The following SH2D4B variants were observed in gnomAD, a reference collection of about 807,000 sequenced individuals.
The protein encoded by SH2D4B is SH2 domain-containing protein 4B.
SH2D4B carries 45 observed loss-of-function variants against 61.5 expected under a neutral mutation model. The observed-to-expected ratio is 0.73, with a 90% CI of 0.58 to 0.94. The LOEUF is 0.94. SH2D4B is among the 40% of genes least tolerant of loss of function. SH2D4B has a pLI of 0.00. For synonymous variants in SH2D4B, 224 were observed against 220.4 expected (o/e 1.02, Z -0.14); for missense variants, 572 against 574.2 (o/e 1.00, Z 0.04).
intron 4 of SH2D4B, among the ~76,000 whole-genome samples, chr10:80,602,628 AG>A: frequency 6.6e-6 from 1 of 152,136 alleles, no homozygotes; most frequent in Non-Finnish European, 1.5e-5. Flanking sequence ...TGGGAAACCA[AG>A]AAAGGGTTCC....
intron 1 of SH2D4B, among the ~76,000 whole-genome samples, chr10:80,543,881 A>G (rs977021590): frequency 1.3e-5 from 2 of 151,910 alleles, no homozygotes; most frequent in Non-Finnish European, 2.9e-5. Flanking sequence ...GACACTCTGT[A>G]TCTAGCTGAT....
chr10:80,630,770 C>T (rs542958823), intron 6 of SH2D4B, among the ~76,000 whole-genome samples: 1 of 152,270 alleles, frequency 6.6e-6, no homozygotes, highest in Admixed American at 6.5e-5. Flanking sequence ...GAGTCAGGGT[C>T]AGCTGGAGTG....
chr10:80,559,728 C>A (rs1841879512), intron 1 of SH2D4B, among the ~76,000 whole-genome samples: 1 of 150,506 alleles, frequency 6.6e-6, no homozygotes, highest in Non-Finnish European at 1.5e-5. Context: ...GCCTTGACCT[C>A]CTGGGCTCAA....
intron 6 of SH2D4B, among the ~76,000 whole-genome samples, chr10:80,634,007 AC>A (rs1289493928): frequency 6.6e-6 from 1 of 152,178 alleles, no homozygotes; most frequent in East Asian, 1.9e-4. Flanking sequence ...AATCCAAATC[AC>A]CCTGGCTCAA....
At chr10:80,597,704 C>T (rs537622831) in intron 4 of SH2D4B, among the ~76,000 whole-genome samples, 63 of 149,448 alleles carry the variant, frequency 4.2e-4, no homozygotes, top group Non-Finnish European at 7.2e-4. Flanking sequence ...ATAAAATACA[C>T]GGGGAGAGAG....
intron 3 of SH2D4B, among the ~76,000 whole-genome samples, chr10:80,581,738 G>A (rs1428649661): frequency 5.9e-5 from 9 of 152,106 alleles, no homozygotes; most frequent in African/African-American, 7.2e-5. Flanking sequence ...TCGTTATGGC[G>A]GCCTGAGCAA....
At chr10:80,573,697 CT>C (rs1266521464) in intron 3 of SH2D4B, among the ~76,000 whole-genome samples, 1 of 152,138 alleles carries the variant, frequency 6.6e-6, no homozygotes, top group African/African-American at 2.4e-5. Context: ...CTGAGCCAGA[CT>C]TAATTGTTTA....
intron 4 of SH2D4B, among the ~76,000 whole-genome samples, chr10:80,589,192 C>T (rs1380874882): frequency 3.3e-5 from 5 of 151,848 alleles, no homozygotes; most frequent in Non-Finnish European, 7.4e-5. Context: ...TTAGTAGAGA[C>T]GGGGTTTCAC....
chr10:80,633,101 T>C (rs1191900591), intron 6 of SH2D4B, among the ~76,000 whole-genome samples: 1 of 151,760 alleles, frequency 6.6e-6, no homozygotes, highest in East Asian at 2.0e-4. Flanking sequence ...AGGAGAGTGA[T>C]GGGAGGGGAG....
chr10:80,575,753 A>T (rs1421154721), intron 3 of SH2D4B, among the ~76,000 whole-genome samples: 1 of 152,114 alleles, frequency 6.6e-6, no homozygotes, highest in Non-Finnish European at 1.5e-5. Context: ...CCAGCCTAGG[A>T]TCCTTAGTTT....
intron 4 of SH2D4B, among the ~76,000 whole-genome samples, chr10:80,598,008 C>A (rs7917014): frequency 6.6e-6 from 1 of 152,016 alleles, no homozygotes; most frequent in Admixed American, 6.6e-5. Flanking sequence ...GGAGGCAGAG[C>A]AAAGGTTTAT....
chr10:80,640,196 C>A (rs1179919585), intron 7 of SH2D4B, among the ~76,000 whole-genome samples: 1 of 152,202 alleles, frequency 6.6e-6, no homozygotes, highest in African/African-American at 2.4e-5. Flanking sequence ...GTTAACCCGA[C>A]CTTTCTCTCC....
chr10:80,610,618 AC>A (rs1227127357), intron 6 of SH2D4B, among the ~76,000 whole-genome samples: 1 of 152,054 alleles, frequency 6.6e-6, no homozygotes, highest in Non-Finnish European at 1.5e-5. Context: ...CCTGCCTCTC[AC>A]CCAGGGACCA....
In SH2D4B at chr10:80,592,059, G is replaced by A. The variant is rs971994978; in HGVS notation, c.643+3282G>A. ...TCCTTGCCAACCCTTGTAATTTTTT[G>A]TGTTTTTTATTATAAAAGCCTTTCT... On this transcript the variant is annotated intron_variant, in intron 4 of 7. Transcript: ENST00000646907. Among the ~76,000 whole-genome samples the A allele has an allele frequency of 3.3e-5, 5 of 152,048 alleles. No individual in the cohort carries two copies. The East Asian group carries it at 9.6e-4, about 29-fold the overall frequency.
intron 1 of SH2D4B, among the ~76,000 whole-genome samples, chr10:80,543,709 T>G (rs1434182646): frequency 6.6e-6 from 1 of 152,150 alleles, no homozygotes; most frequent in Non-Finnish European, 1.5e-5. Flanking sequence ...AACCTTTATG[T>G]CTAGCTAAGG....
chr10:80,604,156 C>T (rs555679702), intron 5 of SH2D4B, among the ~76,000 whole-genome samples: 1 of 152,210 alleles, frequency 6.6e-6, no homozygotes, highest in African/African-American at 2.4e-5. Context: ...AGTGAGACCT[C>T]AGATGGGTAA....
intron 1 of SH2D4B, among the ~76,000 whole-genome samples, chr10:80,562,425 A>T (rs1422627395): frequency 6.6e-6 from 1 of 152,204 alleles, no homozygotes; most frequent in Non-Finnish European, 1.5e-5. Context: ...GACTGACTGT[A>T]TGTTGTTTTG....
chr10:80,600,974 C>G (rs1244371962), intron 4 of SH2D4B, among the ~76,000 whole-genome samples: 1 of 152,114 alleles, frequency 6.6e-6, no homozygotes, highest in African/African-American at 2.4e-5. Flanking sequence ...CCTTTCGTCA[C>G]AATACAAGGC....
intron 4 of SH2D4B, 105 bp from the exon 5 acceptor site, chr10:80,603,474 A>C: frequency 9.4e-7 from 1 of 1,060,434 alleles, no homozygotes. Flanking sequence ...TTTTGCCACT[A>C]CATTGCAATT....
Sources: allele counts gnomAD v4.1 joint callset (sites outside exome capture counted in the v4.1 genomes callset), GRCh38; gene constraint gnomAD v4.1.1; transcripts MANE v1.5; gene names NCBI Gene and HGNC (gene_info 2026-07-23, HGNC 2026-07-21).